The following C8orf34 variants were observed in gnomAD, a reference collection of about 807,000 sequenced individuals.
The protein encoded by C8orf34 is uncharacterized protein C8orf34.
Under a neutral mutation model 68.3 loss-of-function variants are expected in C8orf34, and 65 were observed. The ratio of observed to expected loss-of-function variants is 0.95; its 90% CI spans 0.78 to 1.17. The LOEUF is 1.17. C8orf34 is among the 50% of genes most tolerant of loss of function. The pLI is 0.00. For missense variants in C8orf34, 664 were observed against 655.4 expected (o/e 1.01, Z -0.14); for synonymous variants, 244 against 241.2 (o/e 1.01, Z -0.11).
intron 7 of C8orf34, among the ~76,000 whole-genome samples, chr8:68,618,470 T>A (rs202041735): frequency 6.6e-6 from 1 of 152,018 alleles, no homozygotes; most frequent in Non-Finnish European, 1.5e-5. Context: ...CCACCTCAGC[T>A]TCCCAAGTAG....
intron 13 of C8orf34, among the ~76,000 whole-genome samples, chr8:68,817,164 T>G (rs992703413): frequency 6.6e-6 from 1 of 152,142 alleles, no homozygotes; most frequent in Non-Finnish European, 1.5e-5. Flanking sequence ...ATCATGGAAC[T>G]TACTAAATTG....
chr8:68,439,738 A>G, intron 2 of C8orf34, 92 bp downstream of exon 2: 1 of 1,279,872 alleles, frequency 7.8e-7, no homozygotes. Context: ...AAATCTAGAT[A>G]GATAGTTACC....
rs376568335 is a variant in C8orf34, at chr8:68,425,500, T to TA, written c.328-13998dup. Among the ~76,000 whole-genome samples the TA allele has an allele frequency of 7.2e-4, 109 of 152,178 alleles. 1 individual carries two copies. The highest frequency in any genetic ancestry group is 2.4e-3 in the African/African-American group (99 of 41,550). ...GCCAGACTAGAAATATAATATAACT[T>TA]ACAATTGTTTCAAACAAAATAAAAT... On this transcript the variant is annotated intron_variant, in intron 1 of 13. Coordinates refer to ENST00000518698, the MANE Select transcript of C8orf34 (RefSeq NM_052958.4).
intron 5 of C8orf34, among the ~76,000 whole-genome samples, chr8:68,500,994 A>G (rs1563489387): frequency 6.6e-6 from 1 of 152,156 alleles, no homozygotes; most frequent in Non-Finnish European, 1.5e-5. Flanking sequence ...TGTCCAAATG[A>G]TCTTGAAGAA....
At chr8:68,449,889 T>C (rs1306355681) in intron 3 of C8orf34, among the ~76,000 whole-genome samples, 1 of 152,090 alleles carries the variant, frequency 6.6e-6, no homozygotes, top group African/African-American at 2.4e-5. Flanking sequence ...GCCAATAGAC[T>C]CTTCTTTTCA....
At chr8:68,418,871 A>G (rs1809804281) in intron 1 of C8orf34, among the ~76,000 whole-genome samples, 3 of 151,772 alleles carry the variant, frequency 2.0e-5, no homozygotes, top group Non-Finnish European at 4.4e-5. Flanking sequence ...CTAAAACCAT[A>G]AAAACCCTAG....
intron 6 of C8orf34, among the ~76,000 whole-genome samples, chr8:68,532,304 G>A (rs1353037006): frequency 6.6e-6 from 1 of 152,084 alleles, no homozygotes; most frequent in Non-Finnish European, 1.5e-5. Context: ...TAAAAGTAGG[G>A]AAACTAAAGG....
At chr8:68,629,912 G>C (rs566066711) in intron 7 of C8orf34, among the ~76,000 whole-genome samples, 101 of 152,070 alleles carry the variant, frequency 6.6e-4, no homozygotes, top group Middle Eastern at 3.4e-3. Context: ...AAAGAAAATA[G>C]AGCCAGATAA....
At chr8:68,568,090 A>G (rs1381762743) in intron 7 of C8orf34, among the ~76,000 whole-genome samples, 1 of 152,064 alleles carries the variant, frequency 6.6e-6, no homozygotes, top group African/African-American at 2.4e-5. Context: ...ACACATAAAC[A>G]TTTATTGGTT....
At chr8:68,711,816 A>G (rs1821336253) in intron 9 of C8orf34, among the ~76,000 whole-genome samples, 1 of 152,158 alleles carries the variant, frequency 6.6e-6, no homozygotes, top group Non-Finnish European at 1.5e-5. Flanking sequence ...TAGAACTCCG[A>G]ATACAAGAAG....
At chr8:68,444,139 T>C (rs956575961) in intron 2 of C8orf34, among the ~76,000 whole-genome samples, 7 of 152,182 alleles carry the variant, frequency 4.6e-5, no homozygotes, top group African/African-American at 1.7e-4. Context: ...TCTGTGTCAC[T>C]GATACAATTT....
intron 10 of C8orf34, among the ~76,000 whole-genome samples, chr8:68,745,880 T>C (rs1585817287): frequency 2.0e-5 from 3 of 152,130 alleles, no homozygotes; most frequent in Admixed American, 2.0e-4. Context: ...CTGCACCAAG[T>C]GGACCTAATA....
chr8:68,610,864 T>TTTG (rs1554584895), intron 7 of C8orf34, among the ~76,000 whole-genome samples: 11 of 141,524 alleles, frequency 7.8e-5, no homozygotes, highest in African/African-American at 3.0e-4. Flanking sequence ...ATCTTTGGTT[T>TTTG]TTTTTTTTTT....
intron 10 of C8orf34, among the ~76,000 whole-genome samples, chr8:68,731,263 T>C (rs1390905208): frequency 1.3e-5 from 2 of 152,182 alleles, no homozygotes; most frequent in Non-Finnish European, 2.9e-5. Context: ...GCAGGGTTCT[T>C]TTTTACCTTT....
chr8:68,602,305 T>C (rs551042934), intron 7 of C8orf34, among the ~76,000 whole-genome samples: 6 of 152,114 alleles, frequency 3.9e-5, no homozygotes, highest in Non-Finnish European at 7.4e-5. Flanking sequence ...ATTAGTCTAT[T>C]CTCTCACTGC....
At chr8:68,531,375 G>C (rs897114699) in intron 6 of C8orf34, among the ~76,000 whole-genome samples, 1 of 152,000 alleles carries the variant, frequency 6.6e-6, no homozygotes, top group African/African-American at 2.4e-5. Flanking sequence ...ATCTACAACA[G>C]TCCTCTGCCT....
At chr8:68,588,424 C>T (rs1437028781) in intron 7 of C8orf34, among the ~76,000 whole-genome samples, 1 of 152,102 alleles carries the variant, frequency 6.6e-6, no homozygotes, top group Non-Finnish European at 1.5e-5. Context: ...ATTTTCAACA[C>T]AAATCTTCTT....
At chr8:68,606,361 G>C (rs971347715) in intron 7 of C8orf34, among the ~76,000 whole-genome samples, 1 of 152,056 alleles carries the variant, frequency 6.6e-6, no homozygotes, top group Non-Finnish European at 1.5e-5. Flanking sequence ...TTTGTTGGTG[G>C]AAAAGATATT....
chr8:68,533,404 T>C (rs1396116066), intron 7 of C8orf34: 15 of 1,167,886 alleles, frequency 1.3e-5, no homozygotes, highest in Non-Finnish European at 1.6e-5. Context: ...GACTACGTAA[T>C]GAAGCGTTAT....
Sources: allele counts gnomAD v4.1 joint callset (sites outside exome capture counted in the v4.1 genomes callset), GRCh38; gene constraint gnomAD v4.1.1; transcripts MANE v1.5; gene names NCBI Gene and HGNC (gene_info 2026-07-23, HGNC 2026-07-21).